The following RGS7BP variants were observed in gnomAD, a reference collection of about 807,000 sequenced individuals.
The protein encoded by RGS7BP is regulator of G protein signaling 7 binding protein.
A neutral mutation model predicts 31.3 loss-of-function variants in RGS7BP; 9 were observed. The observed-to-expected ratio is 0.29, with a 90% CI of 0.17 to 0.50. The LOEUF (loss-of-function observed/expected upper bound fraction) is 0.50. Ranked by LOEUF, RGS7BP falls within the 20% of genes least tolerant of loss-of-function variation. RGS7BP has a pLI of 0.98. For synonymous variants in RGS7BP, 115 were observed against 120.1 expected (o/e 0.96, Z 0.28); for missense variants, 274 against 322.0 (o/e 0.85, Z 1.14).
At position 64,546,014 on chromosome 5, in the gene RGS7BP, C is replaced by T. The variant is rs1478146154; in HGVS notation, c.333-29760C>T. 3.3e-5 allele frequency among the ~76,000 whole-genome samples: 5 copies of T among 152,048 alleles called. No individual in the cohort carries two copies. The East Asian group carries it at 7.7e-4, about 24-fold the overall frequency. ...GCTAAAAATACAAAAATTAGCCAGG[C>T]GTGGTGGTGTGCACCTGTAGTCCCA... is the stretch of plus-strand genomic sequence containing the variant. On this transcript the variant is annotated intron_variant, in intron 2 of 5. Transcript: ENST00000334025.
intron 2 of RGS7BP, among the ~76,000 whole-genome samples, chr5:64,525,506 C>T (rs984329486): frequency 9.2e-4 from 140 of 152,192 alleles, no homozygotes; most frequent in African/African-American, 3.3e-3. Context: ...CCCACTATGA[C>T]TGTGGATATT....
chr5:64,607,610 A>G (rs1292157984), intron 5 of RGS7BP, among the ~76,000 whole-genome samples: 1 of 152,056 alleles, frequency 6.6e-6, no homozygotes, highest in Non-Finnish European at 1.5e-5. Flanking sequence ...CCAAGGTTTT[A>G]TCATGTAGAT....
At position 64,609,341 on chromosome 5, in the gene RGS7BP, GT is replaced by G; in HGVS notation, c.*94del. ...AGACAGCTGAACCACACAGTTATTG[GT>G]TTTTGACTATGTTTTCTATGCTTCC... is the stretch of plus-strand genomic sequence containing the variant. On this transcript the variant is annotated 3_prime_UTR_variant, in exon 6 of 6. Coordinates refer to ENST00000334025, the MANE Select transcript of RGS7BP (RefSeq NM_001029875.3). 1.3e-6 allele frequency: 1 copy of G among 772,768 alleles called. No individual in the cohort carries two copies. Among genetic ancestry groups the G allele is most frequent in the South Asian group, 1.4e-5 (1 of 70,550 alleles). The allele number at this position is 772,768 out of a possible 1,614,324, so 47.9% of individuals were successfully genotyped here.
Position 64,610,496 on chromosome 5 carries a change from T to C in RGS7BP, c.*1244T>C. 6.6e-6 allele frequency: 1 copy of C among 151,886 alleles called. No homozygotes were observed. The highest frequency in any genetic ancestry group is 1.9e-4 in the East Asian group (1 of 5,168). The allele number at this position is 151,886 out of a possible 1,614,324, so 9.4% of individuals were successfully genotyped here. ...TTTGCACTTTTTTTCTTGTTTTCCATAGTCTGAAAAACCTTCAAGTCAGAC... is the reference window on the plus strand; with the variant it reads ...TTTGCACTTTTTTTCTTGTTTTCCACAGTCTGAAAAACCTTCAAGTCAGAC... On this transcript the variant is annotated 3_prime_UTR_variant, in exon 6 of 6. Transcript: ENST00000334025.
At chr5:64,556,264 T>C (rs1043192103) in intron 2 of RGS7BP, among the ~76,000 whole-genome samples, 2 of 151,570 alleles carry the variant, frequency 1.3e-5, no homozygotes, top group African/African-American at 2.4e-5. Flanking sequence ...TATTTTTATG[T>C]CATTATTAAC....
intron 2 of RGS7BP, among the ~76,000 whole-genome samples, chr5:64,549,566 T>A (rs924146995): frequency 6.6e-6 from 1 of 152,222 alleles, no homozygotes; most frequent in Admixed American, 6.5e-5. Flanking sequence ...TCTTGAAGAA[T>A]ATCACACATG....
In RGS7BP at chr5:64,593,922, T is replaced by C. The variant is rs111840916; in HGVS notation, c.464-788T>C. 4.5e-3 allele frequency among the ~76,000 whole-genome samples: 681 copies of C among 152,294 alleles called. 2 individuals are homozygous for C. The highest frequency in any genetic ancestry group is 0.015 in the African/African-American group (639 of 41,576). On this transcript the variant is annotated intron_variant, in intron 3 of 5. Transcript: ENST00000334025. The stretch of plus-strand genomic sequence containing the variant: ...GAAAGAATAAAAGACATTAAGAGAT[T>C]GTGCCTAGGCCATACGACATAACCT...
intron 2 of RGS7BP, among the ~76,000 whole-genome samples, chr5:64,569,150 T>G (rs558506984): frequency 1.3e-5 from 2 of 152,318 alleles, no homozygotes; most frequent in African/African-American, 4.8e-5. Flanking sequence ...GAGTTTGATC[T>G]CAGCTCATGT....
chr5:64,585,689 A>C (rs1742728499), intron 3 of RGS7BP, among the ~76,000 whole-genome samples: 2 of 152,180 alleles, frequency 1.3e-5, no homozygotes, highest in South Asian at 4.1e-4. Context: ...AAGAATAACC[A>C]ACCTTTCAAT....
chr5:64,506,528 G>T lies in RGS7BP; in HGVS notation c.-97G>T. 8.8e-7 allele frequency: 1 copy of T among 1,139,808 alleles called. No homozygotes were observed. 70.6% of individuals were successfully genotyped at this position (1,139,808 alleles called of 1,614,324 possible). ...CTGTGAGCTGCGCGCCTCAGGTCCG[G>T]GCTCCGGCTGCTTGGCGGCGGCGCC... On this transcript the variant is annotated 5_prime_UTR_variant, in exon 1 of 6. Coordinates refer to ENST00000334025, the MANE Select transcript of RGS7BP (RefSeq NM_001029875.3). This position sits in a 1 kb window ranked among gnomAD's most constrained non-coding sequence, Gnocchi z 4.6.
chr5:64,561,732 T>TC (rs1742061166), intron 2 of RGS7BP, among the ~76,000 whole-genome samples: 1 of 152,198 alleles, frequency 6.6e-6, no homozygotes, highest in South Asian at 2.1e-4. Context: ...CAAGCTTTTT[T>TC]CCCTCACTAA....
intron 3 of RGS7BP, among the ~76,000 whole-genome samples, chr5:64,577,038 G>A (rs1742450800): frequency 6.6e-6 from 1 of 151,538 alleles, no homozygotes; most frequent in South Asian, 2.1e-4. Context: ...GTTACGGAAG[G>A]AAAAAGAAAG....
At chr5:64,508,698 A>G (rs1254150327) in intron 2 of RGS7BP, among the ~76,000 whole-genome samples, 1 of 152,184 alleles carries the variant, frequency 6.6e-6, no homozygotes, top group African/African-American at 2.4e-5. Flanking sequence ...TCAATACATT[A>G]ATTTAAGTGC....
intron 1 of RGS7BP, among the ~76,000 whole-genome samples, chr5:64,507,322 G>C (rs1748719762): frequency 6.6e-6 from 1 of 152,144 alleles, no homozygotes; most frequent in South Asian, 2.1e-4. Context: ...CTCCCGCCGT[G>C]CAACTTAAAA....
intron 5 of RGS7BP, among the ~76,000 whole-genome samples, chr5:64,608,794 G>A (rs918257430): frequency 6.6e-6 from 1 of 151,966 alleles, no homozygotes; most frequent in African/African-American, 2.4e-5. Context: ...TTTCAAATAA[G>A]GTATATACGT....
At chr5:64,603,934 C>A (rs1260415057) in intron 5 of RGS7BP, among the ~76,000 whole-genome samples, 1 of 151,838 alleles carries the variant, frequency 6.6e-6, no homozygotes, top group Non-Finnish European at 1.5e-5. Flanking sequence ...GAAAAGACTG[C>A]AGGAAAAAAA....
chr5:64,586,499 A>G (rs758906256), intron 3 of RGS7BP, among the ~76,000 whole-genome samples: 5 of 152,168 alleles, frequency 3.3e-5, no homozygotes, highest in Non-Finnish European at 7.3e-5. Context: ...AACTTAGATA[A>G]CTTATGAAGG....
chr5:64,568,782 G>GATTTTTTT (rs35981444), intron 2 of RGS7BP, among the ~76,000 whole-genome samples: 2 of 137,548 alleles, frequency 1.5e-5, no homozygotes, highest in Non-Finnish European at 3.1e-5. Context: ...GATGGTTATT[G>GATTTTTTT]TTTTTTTTTT....
intron 3 of RGS7BP, among the ~76,000 whole-genome samples, chr5:64,577,858 G>A (rs1205096589): frequency 6.6e-6 from 1 of 152,138 alleles, no homozygotes; most frequent in Admixed American, 6.5e-5. Context: ...TCCCAGGTCT[G>A]CATTGGCTGC....
Sources: allele counts gnomAD v4.1 joint callset (sites outside exome capture counted in the v4.1 genomes callset), GRCh38; gene constraint gnomAD v4.1.1; non-coding constraint Gnocchi (gnomAD v3.1); transcripts MANE v1.5; gene names NCBI Gene and HGNC (gene_info 2026-07-23, HGNC 2026-07-21).